Variants in FRMPD4 observed in about 807,000 individuals in gnomAD.
FRMPD4 encodes the protein FERM and PDZ domain containing 4, also known as FERM and PDZ domain-containing protein 4.
In FRMPD4, 22 loss-of-function variants were observed where a neutral mutation model predicts 94.1. That is an observed-to-expected ratio of 0.23 (90% CI 0.17 to 0.33). The LOEUF (loss-of-function observed/expected upper bound fraction) is 0.33. Among genes scored for constraint, FRMPD4 ranks in the 10% least tolerant of loss-of-function variants. The probability of loss-of-function intolerance (pLI) is 1.00; values close to 1 mark genes in which losing one functional copy is unlikely to be tolerated. For missense variants in FRMPD4, 1,111 were observed against 1,339.9 expected, an observed-to-expected ratio of 0.83 and a Z score of 2.67; for synonymous variants, 631 against 548.6, an observed-to-expected ratio of 1.15 and a Z score of -2.10.
At chrX:12,415,364 C>A (rs1216934797) in intron 1 of FRMPD4, among the ~76,000 whole-genome samples, 1 of 111,087 alleles carries the variant, frequency 9.0e-6, no homozygotes, top group East Asian at 2.8e-4. Context: ...GCCCTGCAAC[C>A]CTTACCTCCT....
chrX:11,982,679 G>A lies in FRMPD4; in HGVS notation c.95+104661G>A, dbSNP rs1038275530. On this transcript the variant is annotated intron_variant, in intron 3 of 18. Coordinates refer to the FRMPD4 transcript ENST00000640291. Reference sequence around the variant, plus strand: ...TCAACAGTTAAATGATATCAAATCCGCTGTTTAATCTGTCTATTAAGGTTT... The same window carrying A: ...TCAACAGTTAAATGATATCAAATCCACTGTTTAATCTGTCTATTAAGGTTT... 1.2e-4 allele frequency among the ~76,000 whole-genome samples: 13 copies of A among 110,719 alleles called. No homozygotes were observed. In the East Asian group the frequency reaches 2.0e-3, roughly 17 times the overall value.
At chrX:12,112,264 G>T (rs1415411377) in intron 3 of FRMPD4, among the ~76,000 whole-genome samples, 1 of 111,579 alleles carries the variant, frequency 9.0e-6, no homozygotes, top group African/African-American at 3.3e-5. Context: ...CATGTCCTTT[G>T]TAGGGACATG....
intron 1 of FRMPD4, among the ~76,000 whole-genome samples, chrX:12,472,744 G>C (rs767306818): frequency 5.3e-4 from 59 of 110,750 alleles, no homozygotes; most frequent in Non-Finnish European, 8.7e-4. Context: ...GAAATGAAGC[G>C]AGAAGAGAAG....
intron 4 of FRMPD4, among the ~76,000 whole-genome samples, chrX:12,662,127 G>A (rs2059720245): frequency 8.9e-6 from 1 of 111,825 alleles, no homozygotes; most frequent in East Asian, 2.8e-4. Context: ...AATAGTGACT[G>A]TCCACCAGCA....
At chrX:12,524,882 C>T (rs1283488016) in intron 2 of FRMPD4, among the ~76,000 whole-genome samples, 1 of 111,832 alleles carries the variant, frequency 8.9e-6, no homozygotes, top group Non-Finnish European at 1.9e-5. Flanking sequence ...ATATGCACCC[C>T]AGGACAGCTT....
At chrX:12,499,894 C>A (rs138487475) in intron 2 of FRMPD4, among the ~76,000 whole-genome samples, 1 of 111,586 alleles carries the variant, frequency 9.0e-6, no homozygotes, top group Non-Finnish European at 1.9e-5. Context: ...CATACCTAGG[C>A]GTGGAGTTGC....
intron 1 of FRMPD4, among the ~76,000 whole-genome samples, chrX:12,260,997 C>G (rs1400365603): frequency 1.8e-5 from 2 of 111,675 alleles, no homozygotes; most frequent in African/African-American, 6.5e-5. Flanking sequence ...TTTACACTTA[C>G]AATGGATGCA....
chrX:12,571,702 T>C lies in FRMPD4; in HGVS notation c.159-38019T>C, dbSNP rs183394187. On this transcript the variant is annotated intron_variant, in intron 2 of 16. Transcript: ENST00000675598. ...TCTTGACTCATCCCCATCTGAATGA[T>C]TGTGTCTATAGTTAAAAGATATGAT... Among the ~76,000 whole-genome samples the C allele has an allele frequency of 2.3e-3, 259 of 112,579 alleles. 1 individual carries two copies. The highest frequency in any genetic ancestry group is 8.1e-3 in the African/African-American group (250 of 31,031).
At chrX:12,379,642 C>T (rs866556115) in intron 1 of FRMPD4, among the ~76,000 whole-genome samples, 2 of 89,977 alleles carry the variant, frequency 2.2e-5, no homozygotes, top group East Asian at 3.6e-4. Context: ...GATATGCTGC[C>T]GTGTGTGTGT....
chrX:12,629,949 A>T (rs16986996), intron 4 of FRMPD4, among the ~76,000 whole-genome samples: 2,477 of 112,610 alleles, frequency 0.022, 73 homozygotes, highest in African/African-American at 0.077. Flanking sequence ...GATGAAGATA[A>T]CTTGAAAAGC....
chrX:11,965,251 C>T (rs2054304150), intron 3 of FRMPD4, among the ~76,000 whole-genome samples: 2 of 111,908 alleles, frequency 1.8e-5, no homozygotes, highest in South Asian at 7.5e-4. Flanking sequence ...AATTAGGCTT[C>T]CAAGAGGACA....
chrX:12,587,845 TA>T (rs1369176331), intron 2 of FRMPD4, among the ~76,000 whole-genome samples: 5 of 112,197 alleles, frequency 4.5e-5, no homozygotes, highest in Admixed American at 1.9e-4. Flanking sequence ...CTGGGTCATA[TA>T]GTAACTCTAT....
chrX:11,957,097 C>T (rs915387982), intron 3 of FRMPD4, among the ~76,000 whole-genome samples: 1 of 112,166 alleles, frequency 8.9e-6, no homozygotes, highest in Admixed American at 9.5e-5. Context: ...TGGTGTCATC[C>T]ACCTTGAAGA....
At position 11,899,064 on chromosome X, in the gene FRMPD4, G is replaced by A. The variant is rs746609153; in HGVS notation, c.95+21046G>A. Among the ~76,000 whole-genome samples the A allele has an allele frequency of 3.6e-5, 4 of 112,265 alleles. No homozygotes were observed. In the South Asian group the frequency reaches 1.5e-3, roughly 42 times the overall value. ...ACTACGAAATGGCTTTTCCATCAAA[G>A]CAAATTTGAAAAAGTATTGAGAAAT... On this transcript the variant is annotated intron_variant, in intron 3 of 18. Coordinates refer to the FRMPD4 transcript ENST00000640291.
chrX:11,870,404 G>A (rs2053749495), intron 2 of FRMPD4, among the ~76,000 whole-genome samples: 1 of 112,038 alleles, frequency 8.9e-6, no homozygotes, highest in South Asian at 3.8e-4. Flanking sequence ...TTCTTTATAT[G>A]GGATGTTGAT....
chrX:12,716,182 T>G lies in FRMPD4; in HGVS notation c.1723T>G (p.Ser575Ala). ...AGAAGCCCAGATAACATACATAGATTCAAAGCAGAAGACGGTGGAGATCAC... is the reference window on the plus strand; with the variant it reads ...AGAAGCCCAGATAACATACATAGATGCAAAGCAGAAGACGGTGGAGATCAC... ...EQEAQITYIDSKQKTVEITDS... is the reference protein window; with the variant it reads ...EQEAQITYIDAKQKTVEITDS... Residue 575 changes from serine (S) to alanine (A), a missense_variant, in exon 15 of 17, where the codon TCA becomes GCA. Physicochemically the swap from Ser to Ala is moderately conservative, Grantham distance 99. Around this residue, in one of 8 missense-constraint regions of FRMPD4, gnomAD observed 192 missense variants for 192.5 expected, o/e 1.00. Coordinates refer to ENST00000675598, the MANE Select transcript of FRMPD4 (RefSeq NM_001368397.1). 8.3e-7 allele frequency: 1 copy of G among 1,207,244 alleles called. No homozygotes were observed. Among genetic ancestry groups the G allele is most frequent in the Non-Finnish European group, 1.1e-6 (1 of 891,919 alleles).
At chrX:12,231,466 A>C (rs2057007057) in intron 1 of FRMPD4, among the ~76,000 whole-genome samples, 2 of 111,135 alleles carry the variant, frequency 1.8e-5, no homozygotes, top group Non-Finnish European at 1.9e-5. Context: ...CAAAGCATTG[A>C]TGAACAGCCT....
At chrX:12,576,904 C>T (rs1342712638) in intron 2 of FRMPD4, among the ~76,000 whole-genome samples, 1 of 111,987 alleles carries the variant, frequency 8.9e-6, no homozygotes, top group Non-Finnish European at 1.9e-5. Context: ...GTTTAATGAG[C>T]TGTGTCTGTC....
intron 2 of FRMPD4, among the ~76,000 whole-genome samples, chrX:12,578,587 T>C (rs756233224): frequency 8.9e-6 from 1 of 112,163 alleles, no homozygotes; most frequent in South Asian, 3.7e-4. Context: ...AGTGTGTTTG[T>C]GTGTTTATGT....
Sources: gnomAD v4.1 joint callset for allele counts (sites outside exome capture counted in the v4.1 genomes callset) on GRCh38, gnomAD v4.1.1 for gene constraint, gnomAD v4.1.1 regional missense constraint, MANE v1.5 for transcripts, NCBI Gene and HGNC (gene_info 2026-07-23, HGNC 2026-07-21) for gene names.